The following GALNT17 variants were observed in gnomAD, a reference collection of about 807,000 sequenced individuals.
The protein encoded by GALNT17 is UDP-GalNAc:polypeptide N-acetylgalactosaminyltransferase-like 3.
GALNT17 carries 29 observed loss-of-function variants against 63.7 expected under a neutral mutation model. The observed-to-expected ratio is 0.46, with a 90% CI of 0.34 to 0.62. The LOEUF (loss-of-function observed/expected upper bound fraction) is 0.62, where lower values mean the gene tolerates loss of function less well. GALNT17 is among the 20% of genes least tolerant of loss of function. The pLI is 0.01. For missense variants in GALNT17, 603 were observed against 799.6 expected, an observed-to-expected ratio of 0.75 and a Z score of 2.97; for synonymous variants, 305 against 318.3, an observed-to-expected ratio of 0.96 and a Z score of 0.45.
Position 71,670,085 on chromosome 7 carries a change from C to A in GALNT17, c.1380C>A (p.Tyr460Ter). 6.2e-7 allele frequency: 1 copy of A among 1,614,064 alleles called. No homozygotes were observed. The highest frequency in any genetic ancestry group is 8.5e-7 in the Non-Finnish European group (1 of 1,179,996). ...LDHVYPEMRR[Y>*]NNTVAYGELR... ...ATGTTTACCCAGAAATGAGAAGATA[C>A]AATAATACCGTTGCTTACGGGGAGG... Residue 460 changes from tyrosine to a stop codon, truncating the protein, a stop_gained, in exon 8 of 11, where the codon TAC (tyrosine) becomes TAA (stop). Transcript: ENST00000333538. LOFTEE classifies it high-confidence loss of function.
At chr7:71,218,729 C>A (rs148444713) in intron 1 of GALNT17, among the ~76,000 whole-genome samples, 1 of 152,106 alleles carries the variant, frequency 6.6e-6, no homozygotes, top group Admixed American at 6.5e-5. Context: ...ATTAGATTCT[C>A]ATAGGAGTGT....
intron 6 of GALNT17, among the ~76,000 whole-genome samples, chr7:71,615,741 G>T (rs1336384229): frequency 1.3e-5 from 2 of 152,136 alleles, no homozygotes; most frequent in African/African-American, 4.8e-5. Context: ...GCCTCCCAAA[G>T]TGCTGGGATT....
intron 5 of GALNT17, among the ~76,000 whole-genome samples, chr7:71,566,708 G>C (rs1477682424): frequency 6.6e-6 from 1 of 151,300 alleles, no homozygotes; most frequent in Non-Finnish European, 1.5e-5. Flanking sequence ...AAGTAGGAGG[G>C]GTTAGCGTAG....
At chr7:71,621,395 A>G (rs761915517) in intron 6 of GALNT17, among the ~76,000 whole-genome samples, 2 of 152,142 alleles carry the variant, frequency 1.3e-5, no homozygotes, top group Non-Finnish European at 2.9e-5. Flanking sequence ...CCTGCCTAGC[A>G]TGGTGCCCGG....
intron 5 of GALNT17, among the ~76,000 whole-genome samples, chr7:71,548,431 G>C (rs1171847591): frequency 6.6e-6 from 1 of 152,156 alleles, no homozygotes; most frequent in African/African-American, 2.4e-5. Context: ...CTTTTCTTTT[G>C]TTGGGAGGAG....
In GALNT17 at chr7:71,688,457, G is replaced by A. The variant is rs918249841; in HGVS notation, c.1500+11151G>A. 3.3e-5 allele frequency among the ~76,000 whole-genome samples: 5 copies of A among 152,030 alleles called. No homozygotes were observed. The South Asian group carries it at 1.0e-3, about 32-fold the overall frequency. ...TCTGCTTGCTGAGATTTTCCCCGAG[G>A]CTTTGGGGGACCCAGGCCTCTTTCT... On this transcript the variant is annotated intron_variant, in intron 9 of 10. Transcript: ENST00000333538.
chr7:71,379,476 AG>A (rs1020649611), intron 2 of GALNT17, among the ~76,000 whole-genome samples: 1 of 152,072 alleles, frequency 6.6e-6, no homozygotes, highest in Non-Finnish European at 1.5e-5. Flanking sequence ...ATGGGGTTGG[AG>A]GCAAGGGACC....
chr7:71,163,897 A>G (rs1157018405), intron 1 of GALNT17, among the ~76,000 whole-genome samples: 1 of 152,246 alleles, frequency 6.6e-6, no homozygotes, highest in East Asian at 1.9e-4. Context: ...CTTTGCTCAT[A>G]GTATCCATTA....
At chr7:71,290,102 G>A (rs78988070) in intron 1 of GALNT17, among the ~76,000 whole-genome samples, 19,270 of 152,120 alleles carry the variant, frequency 0.13, 1,562 homozygotes, top group Middle Eastern at 0.27. Context: ...TGAAGTGTAC[G>A]ATTCTGTGGA....
At chr7:71,462,995 G>A (rs1463135031) in intron 5 of GALNT17, among the ~76,000 whole-genome samples, 1 of 152,178 alleles carries the variant, frequency 6.6e-6, no homozygotes, top group African/African-American at 2.4e-5. Context: ...TAATTGTTGG[G>A]CCACTGAACA....
At chr7:71,160,127 G>A (rs1788314731) in intron 1 of GALNT17, among the ~76,000 whole-genome samples, 2 of 152,012 alleles carry the variant, frequency 1.3e-5, no homozygotes, top group Admixed American at 6.6e-5. Flanking sequence ...TGATAAATTG[G>A]GGAAACAGGG....
chr7:71,433,633 A>G (rs1786908180), intron 5 of GALNT17, among the ~76,000 whole-genome samples: 1 of 152,140 alleles, frequency 6.6e-6, no homozygotes, highest in African/African-American at 2.4e-5. Context: ...TCTCTGGTTA[A>G]CCCTGAGATT....
intron 1 of GALNT17, among the ~76,000 whole-genome samples, chr7:71,231,107 T>G (rs1789780154): frequency 6.6e-6 from 1 of 152,208 alleles, no homozygotes; most frequent in African/African-American, 2.4e-5. Flanking sequence ...TTGTAAATTA[T>G]TCCTCTTTTT....
chr7:71,433,753 T>G (rs1435849235), intron 5 of GALNT17, among the ~76,000 whole-genome samples: 1 of 152,188 alleles, frequency 6.6e-6, no homozygotes, highest in Non-Finnish European at 1.5e-5. Flanking sequence ...AGTGGGAATT[T>G]AGAAACCAAG....
chr7:71,153,938 A>G (rs996058229), intron 1 of GALNT17, among the ~76,000 whole-genome samples: 1 of 132,082 alleles, frequency 7.6e-6, no homozygotes, highest in African/African-American at 2.8e-5. Context: ...TAAAATAAAA[A>G]TAAAAAATAA....
intron 3 of GALNT17, among the ~76,000 whole-genome samples, 175 bp downstream of exon 3, chr7:71,388,576 G>A (rs764707593): frequency 1.3e-5 from 2 of 151,970 alleles, no homozygotes; most frequent in Non-Finnish European, 2.9e-5. Flanking sequence ...GCCCAGGCTG[G>A]AGTGCAGTGG....
At chr7:71,331,431 G>A (rs1042875487) in intron 1 of GALNT17, among the ~76,000 whole-genome samples, 4 of 152,162 alleles carry the variant, frequency 2.6e-5, no homozygotes, top group Non-Finnish European at 5.9e-5. Flanking sequence ...TATTTGGCCA[G>A]GTGTGGTGGC....
chr7:71,268,107 C>T (rs1583814915), intron 1 of GALNT17, among the ~76,000 whole-genome samples: 1 of 152,084 alleles, frequency 6.6e-6, no homozygotes, highest in Non-Finnish European at 1.5e-5. Context: ...GTCCTGCAGC[C>T]TGGATGGCAC....
chr7:71,246,975 A>G (rs143040352), intron 1 of GALNT17, among the ~76,000 whole-genome samples: 285 of 152,050 alleles, frequency 1.9e-3, no homozygotes, highest in African/African-American at 5.8e-3. Flanking sequence ...AGGTTTTGCC[A>G]TGTTGCCCAG....
Sources: allele counts gnomAD v4.1 joint callset (sites outside exome capture counted in the v4.1 genomes callset), GRCh38; gene constraint gnomAD v4.1.1; transcripts MANE v1.5; gene names NCBI Gene and HGNC (gene_info 2026-07-23, HGNC 2026-07-21).